The following GRIK1 variants were observed in gnomAD, a reference collection of about 807,000 sequenced individuals.
The protein encoded by GRIK1 is glutamate receptor ionotropic, kainate 1.
In GRIK1, 69 loss-of-function variants were observed where a neutral mutation model predicts 105.7. That is an observed-to-expected ratio of 0.65 (90% CI 0.54 to 0.80). The LOEUF (loss-of-function observed/expected upper bound fraction) is 0.80, where lower values mean the gene tolerates loss of function less well. GRIK1 is among the 30% of genes least tolerant of loss of function. The probability of loss-of-function intolerance (pLI) is 0.00; values close to 1 mark genes in which losing one functional copy is unlikely to be tolerated. For synonymous variants in GRIK1, 438 were observed against 431.3 expected (o/e 1.02, Z -0.19); for missense variants, 1,109 against 1,167.3 (o/e 0.95, Z 0.73).
At chr21:29,900,425 G>A (rs960015754) in intron 1 of GRIK1, among the ~76,000 whole-genome samples, 3 of 144,640 alleles carry the variant, frequency 2.1e-5, no homozygotes, top group African/African-American at 7.9e-5. Context: ...TTGAAATAAA[G>A]GGATGAAGGA....
intron 16 of GRIK1, among the ~76,000 whole-genome samples, chr21:29,540,954 T>C (rs1232560398): frequency 2.7e-5 from 4 of 148,680 alleles, no homozygotes; most frequent in African/African-American, 7.4e-5. Flanking sequence ...TTCTAATAAA[T>C]CTACACTTGC....
intron 1 of GRIK1, among the ~76,000 whole-genome samples, chr21:29,774,213 T>C (rs2065885381): frequency 6.6e-6 from 1 of 152,192 alleles, no homozygotes; most frequent in African/African-American, 2.4e-5. Context: ...AAAGCACTTT[T>C]GTCCCCTTGG....
intron 1 of GRIK1, among the ~76,000 whole-genome samples, chr21:29,826,245 A>G (rs2067453562): frequency 6.6e-6 from 1 of 152,032 alleles, no homozygotes; most frequent in Non-Finnish European, 1.5e-5. Flanking sequence ...GTTAATCTCC[A>G]TCTATTTGAT....
chr21:29,832,676 A>T (rs2067676856), intron 1 of GRIK1, among the ~76,000 whole-genome samples: 1 of 152,184 alleles, frequency 6.6e-6, no homozygotes, highest in Admixed American at 6.5e-5. Context: ...TTTACAAGAC[A>T]GTAGGGCCCT....
At chr21:29,923,242 T>C (rs1426791620) in intron 1 of GRIK1, among the ~76,000 whole-genome samples, 1 of 152,226 alleles carries the variant, frequency 6.6e-6, no homozygotes, top group Non-Finnish European at 1.5e-5. Flanking sequence ...CTTCTGCATA[T>C]TACTTTTCAG....
At chr21:29,568,775 C>A (rs1294860043) in intron 14 of GRIK1, among the ~76,000 whole-genome samples, 2 of 152,206 alleles carry the variant, frequency 1.3e-5, no homozygotes, top group Admixed American at 1.3e-4. Flanking sequence ...GGTATTCATA[C>A]CTCTTGTCTC....
At chr21:29,887,504 A>G (rs1445978881) in intron 1 of GRIK1, among the ~76,000 whole-genome samples, 1 of 152,152 alleles carries the variant, frequency 6.6e-6, no homozygotes, top group Non-Finnish European at 1.5e-5. Context: ...TCATGTTAGC[A>G]CACCTCTATC....
At chr21:29,761,523 T>C (rs2065519224) in intron 1 of GRIK1, 1 of 152,002 alleles carries the variant, frequency 6.6e-6, no homozygotes, top group South Asian at 2.1e-4. Flanking sequence ...AAACCAATTC[T>C]GAAATGAAAA....
intron 1 of GRIK1, among the ~76,000 whole-genome samples, chr21:29,857,329 C>A (rs1016931995): frequency 6.6e-6 from 1 of 152,214 alleles, no homozygotes; most frequent in African/African-American, 2.4e-5. Context: ...TGTTCTTTCC[C>A]ATGATTTCAC....
intron 12 of GRIK1, among the ~76,000 whole-genome samples, chr21:29,582,664 T>A (rs1601179842): frequency 6.6e-6 from 1 of 152,298 alleles, no homozygotes; most frequent in South Asian, 2.1e-4. Flanking sequence ...TTGAGGACTA[T>A]CTTGCCAAGT....
At chr21:29,775,246 A>T (rs1325960256) in intron 1 of GRIK1, among the ~76,000 whole-genome samples, 3 of 146,546 alleles carry the variant, frequency 2.0e-5, no homozygotes, top group African/African-American at 7.7e-5. Context: ...ACTGCACTCC[A>T]GCCTGGGCGA....
intron 1 of GRIK1, among the ~76,000 whole-genome samples, chr21:29,756,903 C>G (rs1192216950): frequency 1.3e-5 from 2 of 152,100 alleles, no homozygotes; most frequent in African/African-American, 4.8e-5. Context: ...CGTCTGAGCT[C>G]AGGAATTGCA....
At position 29,598,858 on chromosome 21, in the gene GRIK1, A is replaced by G. The variant is rs2061465320; in HGVS notation, c.1178T>C (p.Ile393Thr). 6.4e-7 allele frequency: 1 copy of G among 1,553,280 alleles called. No homozygotes were observed. Among genetic ancestry groups the G allele is most frequent in the Non-Finnish European group, 8.9e-7 (1 of 1,127,378 alleles). ...GLRKDFDLDIISLKEEGTEKA... is the reference protein window; with the variant it reads ...GLRKDFDLDITSLKEEGTEKA... ...TTCAGTTCCTTCCTCTTTGAGACTA[A>G]TAATGTCCAGATCAAAATCCTTCCT... The change falls in exon 8 of 18, where the codon ATT (isoleucine) becomes ACT (threonine). Residue 393 changes from isoleucine (I) to threonine (T), a missense_variant. Physicochemically the swap from Ile to Thr is moderately conservative, Grantham distance 89. Around this residue, in one of 5 missense-constraint regions of GRIK1, gnomAD observed 612 missense variants for 586.0 expected, o/e 1.04. Coordinates refer to ENST00000327783, the MANE Select transcript of GRIK1 (RefSeq NM_001330994.2).
At chr21:29,606,117 T>G (rs539358341) in intron 7 of GRIK1, among the ~76,000 whole-genome samples, 126 of 152,234 alleles carry the variant, frequency 8.3e-4, no homozygotes, top group Non-Finnish European at 1.4e-3. Flanking sequence ...GAGGTGTCTC[T>G]TTATTTTTAA....
chr21:29,719,612 C>T (rs1418484869), intron 1 of GRIK1, among the ~76,000 whole-genome samples: 4 of 151,140 alleles, frequency 2.6e-5, no homozygotes, highest in African/African-American at 4.9e-5. Flanking sequence ...TTTTTTTTCT[C>T]CAGCCAGCAT....
intron 6 of GRIK1, among the ~76,000 whole-genome samples, chr21:29,650,025 G>T (rs983544633): frequency 1.3e-5 from 2 of 152,058 alleles, no homozygotes; most frequent in African/African-American, 4.8e-5. Context: ...TTCTCTACTT[G>T]CTCCTATTCA....
intron 1 of GRIK1, among the ~76,000 whole-genome samples, chr21:29,912,918 T>G (rs567391204): frequency 6.6e-6 from 1 of 152,246 alleles, no homozygotes; most frequent in African/African-American, 2.4e-5. Flanking sequence ...ATAATTAGTA[T>G]CAAGTTCACT....
chr21:29,666,626 T>TA (rs1339815483), intron 4 of GRIK1, among the ~76,000 whole-genome samples: 2 of 152,130 alleles, frequency 1.3e-5, no homozygotes, highest in Admixed American at 6.6e-5. Context: ...AAGTATTGAA[T>TA]AAAAAAATAA....
At chr21:29,556,834 T>C (rs953003897) in intron 15 of GRIK1, among the ~76,000 whole-genome samples, 1 of 152,192 alleles carries the variant, frequency 6.6e-6, no homozygotes, top group Non-Finnish European at 1.5e-5. Flanking sequence ...CACTGGACTG[T>C]GGCAAGATCA....
Sources: gnomAD v4.1 joint callset for allele counts (sites outside exome capture counted in the v4.1 genomes callset) on GRCh38, gnomAD v4.1.1 for gene constraint, gnomAD v4.1.1 regional missense constraint, MANE v1.5 for transcripts, NCBI Gene and HGNC (gene_info 2026-07-23, HGNC 2026-07-21) for gene names.